The following SDCCAG8 variants were observed in gnomAD, a reference collection of about 807,000 sequenced individuals.
SDCCAG8 encodes serologically defined colon cancer antigen 8.
Under a neutral mutation model 101.8 loss-of-function variants are expected in SDCCAG8, and 74 were observed. The ratio of observed to expected loss-of-function variants is 0.73; its 90% CI spans 0.60 to 0.88. SDCCAG8 has a LOEUF of 0.88. Ranked by LOEUF, SDCCAG8 falls within the 40% of genes least tolerant of loss-of-function variation. The probability of loss-of-function intolerance (pLI) is 0.00; values close to 1 mark genes in which losing one functional copy is unlikely to be tolerated. For missense variants in SDCCAG8, 787 were observed against 822.6 expected (o/e 0.96, Z 0.53); for synonymous variants, 281 against 292.9 (o/e 0.96, Z 0.41).
intron 17 of SDCCAG8, among the ~76,000 whole-genome samples, chr1:243,496,432 G>A (rs1667912991): frequency 6.6e-6 from 1 of 152,224 alleles, no homozygotes; most frequent in Admixed American, 6.5e-5. Context: ...GGTAGGGGGA[G>A]GGGCCTGCCC....
At chr1:243,354,394 G>A (rs1333737169) in intron 12 of SDCCAG8, among the ~76,000 whole-genome samples, 5 of 152,116 alleles carry the variant, frequency 3.3e-5, no homozygotes, top group African/African-American at 1.2e-4. Context: ...TGCAATTTTA[G>A]ACATTTTCGT....
At chr1:243,274,417 A>G (rs900190734) in intron 3 of SDCCAG8, 126 bp from the exon 4 acceptor site, 1 of 626,486 alleles carries the variant, frequency 1.6e-6, no homozygotes, top group Non-Finnish European at 2.9e-6. Flanking sequence ...CTATGTTTAT[A>G]TCACATCAGT....
At chr1:243,325,219 GTAAT>G (rs1288495180) in intron 9 of SDCCAG8, among the ~76,000 whole-genome samples, 2 of 152,096 alleles carry the variant, frequency 1.3e-5, no homozygotes, top group African/African-American at 2.4e-5. Flanking sequence ...TGTGAAATTT[GTAAT>G]TAATTTTTTA....
intron 6 of SDCCAG8, among the ~76,000 whole-genome samples, chr1:243,301,710 C>A (rs540476102): frequency 1.3e-5 from 2 of 151,452 alleles, no homozygotes; most frequent in Non-Finnish European, 2.9e-5. Context: ...TATATGGGTA[C>A]AGGATTTCTA....
chr1:243,377,018 T>C, intron 12 of SDCCAG8, among the ~76,000 whole-genome samples: 1 of 152,210 alleles, frequency 6.6e-6, no homozygotes, highest in East Asian at 1.9e-4. Context: ...CATGCTAATA[T>C]ATCCCTCATC....
intron 1 of SDCCAG8, among the ~76,000 whole-genome samples, chr1:243,259,469 T>C (rs1469220069): frequency 1.3e-5 from 2 of 152,090 alleles, no homozygotes; most frequent in Admixed American, 6.6e-5. Context: ...GGTACTATTA[T>C]GGTATATCAA....
At chr1:243,324,637 A>T (rs1012678058) in intron 9 of SDCCAG8, among the ~76,000 whole-genome samples, 7 of 151,848 alleles carry the variant, frequency 4.6e-5, no homozygotes, top group Non-Finnish European at 4.4e-5. Context: ...TACTTCACGT[A>T]TTCTTATACC....
chr1:243,309,600 G>A (rs983186264), intron 8 of SDCCAG8, among the ~76,000 whole-genome samples: 10 of 152,166 alleles, frequency 6.6e-5, no homozygotes, highest in Non-Finnish European at 1.5e-4. Flanking sequence ...GAACTTCTGT[G>A]CTCAAGCGAT....
At chr1:243,442,256 T>C (rs1002215044) in intron 16 of SDCCAG8, among the ~76,000 whole-genome samples, 2 of 152,226 alleles carry the variant, frequency 1.3e-5, no homozygotes, top group African/African-American at 4.8e-5. Flanking sequence ...CAGATGTGTA[T>C]CTGCACCTCT....
intron 13 of SDCCAG8, among the ~76,000 whole-genome samples, chr1:243,403,735 T>A (rs2079559712): frequency 6.6e-6 from 1 of 152,178 alleles, no homozygotes; most frequent in East Asian, 1.9e-4. Context: ...TGCTTGATGA[T>A]CTGTCACTGT....
At chr1:243,271,680 T>C (rs1026724213) in intron 3 of SDCCAG8, among the ~76,000 whole-genome samples, 1 of 151,906 alleles carries the variant, frequency 6.6e-6, no homozygotes, top group African/African-American at 2.4e-5. Context: ...GTATTTGGGT[T>C]TACAGATGTG....
At chr1:243,373,436 A>G (rs952112535) in intron 12 of SDCCAG8, among the ~76,000 whole-genome samples, 1 of 152,056 alleles carries the variant, frequency 6.6e-6, no homozygotes, top group African/African-American at 2.4e-5. Flanking sequence ...ACAATCATGT[A>G]TATTTATATT....
At chr1:243,307,394 T>C (rs1228550168) in intron 7 of SDCCAG8, 16 of 984,192 alleles carry the variant, frequency 1.6e-5, no homozygotes, top group Non-Finnish European at 1.9e-5. Flanking sequence ...TAACTTACTT[T>C]CTTTTGAAAC....
chr1:243,428,781 G>A (rs1016170243), intron 16 of SDCCAG8, among the ~76,000 whole-genome samples: 5 of 152,144 alleles, frequency 3.3e-5, no homozygotes, highest in African/African-American at 7.2e-5. Flanking sequence ...GTATTAGATC[G>A]TAACTGCATG....
chr1:243,328,848 C>A (rs1035530675), intron 9 of SDCCAG8, among the ~76,000 whole-genome samples: 1 of 152,144 alleles, frequency 6.6e-6, no homozygotes, highest in African/African-American at 2.4e-5. Context: ...TCTGTAGGTG[C>A]CTTTCATGGT....
chr1:243,392,335 C>A (rs2078754406), intron 13 of SDCCAG8, among the ~76,000 whole-genome samples: 1 of 152,188 alleles, frequency 6.6e-6, no homozygotes, highest in Non-Finnish European at 1.5e-5. Flanking sequence ...ATTGTTCTTT[C>A]TACATCTTAA....
chr1:243,317,683 C>G (rs1351924192), intron 9 of SDCCAG8, among the ~76,000 whole-genome samples: 2 of 152,146 alleles, frequency 1.3e-5, no homozygotes, highest in African/African-American at 4.8e-5. Context: ...ATGAGAATAA[C>G]AGTTTATACT....
rs776040834 is a variant in SDCCAG8 at position 243,426,536 on chromosome 1, G to A, written c.1963G>A (p.Val655Ile). 1.8e-5 allele frequency: 29 copies of A among 1,613,858 alleles called. No homozygotes were observed. Among genetic ancestry groups the A allele is most frequent in the African/African-American group, 2.7e-5 (2 of 74,908 alleles). ...GGAACAGTGTGTCCAGCATGGGAGA[G>A]TACATGAGACGATGAAGCAAAGGTA... ...LEEQCVQHGR[V>I]HETMKQRLRQ... Residue 655 changes from valine to isoleucine, a missense_variant, in exon 16 of 18, where the codon GTA (valine) becomes ATA (isoleucine). Physicochemically the swap from Val to Ile is conservative, Grantham distance 29 (BLOSUM62 3). Coordinates refer to ENST00000366541, the MANE Select transcript of SDCCAG8 (RefSeq NM_006642.5).
intron 5 of SDCCAG8, among the ~76,000 whole-genome samples, chr1:243,288,230 T>C (rs1290977871): frequency 6.6e-6 from 1 of 152,124 alleles, no homozygotes; most frequent in South Asian, 2.1e-4. Context: ...TTTGGAAGGA[T>C]GATCACACGA....
Sources: gnomAD v4.1 joint callset for allele counts (sites outside exome capture counted in the v4.1 genomes callset) on GRCh38, gnomAD v4.1.1 for gene constraint, MANE v1.5 for transcripts, NCBI Gene and HGNC (gene_info 2026-07-23, HGNC 2026-07-21) for gene names.